The following LHFPL6 variants were observed in gnomAD, a reference collection of about 807,000 sequenced individuals.
LHFPL6 encodes the protein LHFPL tetraspan subfamily member 6 protein.
In LHFPL6, 9 loss-of-function variants were observed where a neutral mutation model predicts 20.6. The observed-to-expected ratio is 0.44, with a 90% confidence interval of 0.26 to 0.76. The LOEUF (loss-of-function observed/expected upper bound fraction) is 0.76, where lower values mean the gene tolerates loss of function less well. LHFPL6 is among the 30% of genes least tolerant of loss of function. LHFPL6 has a pLI of 0.20. For synonymous variants in LHFPL6, 105 were observed against 98.7 expected (o/e 1.06, Z -0.38); for missense variants, 218 against 253.5 (o/e 0.86, Z 0.95).
At chr13:39,481,237 CTT>C (rs1868509491) in intron 2 of LHFPL6, among the ~76,000 whole-genome samples, 1 of 152,104 alleles carries the variant, frequency 6.6e-6, no homozygotes, top group South Asian at 2.1e-4. Flanking sequence ...AATACAATGA[CTT>C]AGTTCACAGT....
At chr13:39,437,674 C>T (rs989562114) in intron 2 of LHFPL6, among the ~76,000 whole-genome samples, 16 of 152,232 alleles carry the variant, frequency 1.1e-4, no homozygotes, top group Non-Finnish European at 1.8e-4. Flanking sequence ...GAGGCTGAGG[C>T]GGGCGGATCA....
chr13:39,537,631 A>G (rs1222906522), intron 2 of LHFPL6, among the ~76,000 whole-genome samples: 3 of 152,214 alleles, frequency 2.0e-5, no homozygotes, highest in Non-Finnish European at 4.4e-5. Flanking sequence ...ATGTCTCATT[A>G]TCAAGCTTTA....
intron 2 of LHFPL6, among the ~76,000 whole-genome samples, chr13:39,421,420 C>T (rs984843702): frequency 6.6e-6 from 1 of 152,018 alleles, no homozygotes; most frequent in Admixed American, 6.6e-5. Context: ...GAAATAGATT[C>T]CAGCATTATG....
chr13:39,581,738 T>C (rs959374612), intron 2 of LHFPL6, among the ~76,000 whole-genome samples: 26 of 152,166 alleles, frequency 1.7e-4, no homozygotes, highest in African/African-American at 5.8e-4. Context: ...CAAAAAAAAG[T>C]GCTATTCCTA....
At chr13:39,504,517 T>G (rs1335529724) in intron 2 of LHFPL6, among the ~76,000 whole-genome samples, 1 of 152,210 alleles carries the variant, frequency 6.6e-6, no homozygotes, top group East Asian at 1.9e-4. Context: ...ATCAAGATGC[T>G]GGCAGGTTTG....
In LHFPL6 at chr13:39,344,206, T is replaced by C. The variant is rs575352066; in HGVS notation, c.485-152A>G. ...GAATAATAATGTGCTGAAAGTTATC[T>C]TGACAGTGAAGAAAGCAAGAATGGC... On this transcript the variant is annotated intron_variant, in intron 3 of 3. Coordinates refer to ENST00000379589, the MANE Select transcript of LHFPL6 (RefSeq NM_005780.3). 54 of 601,992 alleles carry C rather than the reference T, an allele frequency of 9.0e-5. 1 individual carries two copies. The South Asian group carries it at 1.2e-3, about 14-fold the overall frequency. The allele number at this position is 601,992 out of a possible 1,614,324, so 37.3% of individuals were successfully genotyped here. A position where few individuals can be genotyped will look rare whatever the true frequency, so the allele number is the denominator to read the frequency against.
intron 2 of LHFPL6, among the ~76,000 whole-genome samples, chr13:39,466,141 A>C (rs1872800570): frequency 6.6e-6 from 1 of 152,200 alleles, no homozygotes; most frequent in African/African-American, 2.4e-5. Context: ...CACTAGGAGA[A>C]GAGATTTGGG....
chr13:39,376,157 A>T (rs1250120705), intron 3 of LHFPL6, among the ~76,000 whole-genome samples: 3 of 152,214 alleles, frequency 2.0e-5, no homozygotes. Flanking sequence ...CTGCTAATTA[A>T]TATAGCAATA....
chr13:39,373,900 A>G (rs931659168), intron 3 of LHFPL6, among the ~76,000 whole-genome samples: 10 of 152,208 alleles, frequency 6.6e-5, no homozygotes, highest in Non-Finnish European at 1.3e-4. Context: ...CTATGGAGAA[A>G]AATGAATGCT....
At chr13:39,347,493 CA>C (rs1422360546) in intron 3 of LHFPL6, among the ~76,000 whole-genome samples, 2 of 152,176 alleles carry the variant, frequency 1.3e-5, no homozygotes, top group Non-Finnish European at 2.9e-5. Context: ...GAGAACTTCC[CA>C]AACCAAGTAT....
chr13:39,559,369 G>T (rs1264878735), intron 2 of LHFPL6, among the ~76,000 whole-genome samples: 1 of 152,210 alleles, frequency 6.6e-6, no homozygotes, highest in African/African-American at 2.4e-5. Flanking sequence ...TAATGAACAG[G>T]AAGCATGATG....
chr13:39,584,959 G>A lies in LHFPL6; in HGVS notation c.385+15873C>T, dbSNP rs367971637. ...ATCTTGCCAAGAACGAGAAGTCTAT[G>A]GTGACTCTGACCATGTACCTAGATT... On this transcript the variant is annotated intron_variant, in intron 2 of 3. Transcript: ENST00000379589. Among the ~76,000 whole-genome samples, 19 of 152,246 alleles carry A rather than the reference G, an allele frequency of 1.2e-4. No individual in the cohort carries two copies. In the East Asian group the frequency reaches 2.9e-3, roughly 23 times the overall value.
At chr13:39,418,824 T>A (rs1323936) in intron 2 of LHFPL6, among the ~76,000 whole-genome samples, 1 of 151,938 alleles carries the variant, frequency 6.6e-6, no homozygotes, top group Admixed American at 6.6e-5. Context: ...ATGAAATTTC[T>A]GCTGTGACCA....
chr13:39,369,369 AT>A (rs1020856445), intron 3 of LHFPL6, among the ~76,000 whole-genome samples: 1 of 152,048 alleles, frequency 6.6e-6, no homozygotes, highest in South Asian at 2.1e-4. Context: ...ATGTAGAGCA[AT>A]TTTTTTTCCA....
At chr13:39,510,874 T>A (rs1310384437) in intron 2 of LHFPL6, among the ~76,000 whole-genome samples, 1 of 57,028 alleles carries the variant, frequency 1.8e-5, no homozygotes, top group Non-Finnish European at 5.9e-5. Context: ...TACTTTAAAT[T>A]TTTTTTTTTT....
At chr13:39,366,967 A>G (rs1405471994) in intron 3 of LHFPL6, among the ~76,000 whole-genome samples, 2 of 152,222 alleles carry the variant, frequency 1.3e-5, no homozygotes, top group Admixed American at 1.3e-4. Flanking sequence ...TTTACTACAC[A>G]AACATCTTCG....
intron 2 of LHFPL6, among the ~76,000 whole-genome samples, chr13:39,491,202 C>A (rs1868913792): frequency 6.6e-6 from 1 of 152,046 alleles, no homozygotes; most frequent in Non-Finnish European, 1.5e-5. Flanking sequence ...GAGCCATTTA[C>A]AAGGAGGAGG....
At chr13:39,374,419 T>C (rs1870236994) in intron 3 of LHFPL6, among the ~76,000 whole-genome samples, 2 of 152,046 alleles carry the variant, frequency 1.3e-5, no homozygotes, top group African/African-American at 2.4e-5. Context: ...GAAAACTAAC[T>C]CTTGGGCATT....
At chr13:39,582,269 C>T (rs1158602768) in intron 2 of LHFPL6, among the ~76,000 whole-genome samples, 1 of 152,226 alleles carries the variant, frequency 6.6e-6, no homozygotes. Context: ...TTTCTCATCC[C>T]ATCTTTCATC....
Sources: allele counts gnomAD v4.1 joint callset (sites outside exome capture counted in the v4.1 genomes callset), GRCh38; gene constraint gnomAD v4.1.1; transcripts MANE v1.5; gene names NCBI Gene and HGNC (gene_info 2026-07-23, HGNC 2026-07-21).